GRIN3A: variants seen among roughly 807,000 people sequenced by gnomAD.
GRIN3A encodes the protein glutamate receptor ionotropic, NMDA 3A.
A neutral mutation model predicts 92.4 loss-of-function variants in GRIN3A; 47 were observed. The ratio of observed to expected loss-of-function variants is 0.51; its 90% CI spans 0.40 to 0.65. GRIN3A has a LOEUF of 0.65. Among genes scored for constraint, GRIN3A ranks in the 30% least tolerant of loss-of-function variants. The pLI is 0.00. For synonymous variants in GRIN3A, 527 were observed against 540.6 expected, an observed-to-expected ratio of 0.97 and a Z score of 0.35; for missense variants, 1,324 against 1,393.1, an observed-to-expected ratio of 0.95 and a Z score of 0.79.
At chr9:101,669,639 C>A (rs1391398051) in intron 3 of GRIN3A, among the ~76,000 whole-genome samples, 1 of 152,004 alleles carries the variant, frequency 6.6e-6, no homozygotes, top group African/African-American at 2.4e-5. Flanking sequence ...GAAAAAGATT[C>A]TTTGCTATTT....
rs1827769602 is a variant in GRIN3A at position 101,572,139 on chromosome 9, A to C, written c.*1035T>G. 1 of 152,464 alleles carries C rather than the reference A, an allele frequency of 6.6e-6. No homozygotes were observed. Among genetic ancestry groups the C allele is most frequent in the Non-Finnish European group, 1.5e-5 (1 of 68,120 alleles). 9.4% of individuals were successfully genotyped at this position (152,464 alleles called of 1,614,324 possible). Reference sequence around the variant, plus strand: ...ATGCAAAGTGCAGGGCAGATTCCTGAATGGTCGAAGCTTATAGTGTTCCCG... The same window carrying C: ...ATGCAAAGTGCAGGGCAGATTCCTGCATGGTCGAAGCTTATAGTGTTCCCG... On this transcript the variant is annotated 3_prime_UTR_variant, in exon 9 of 9. Transcript: ENST00000361820.
In GRIN3A at chr9:101,686,816, C is replaced by T. The variant is rs10989591; in HGVS notation, c.1084G>A (p.Val362Met). Residue 362 changes from valine (V) to methionine (M), a missense_variant, in exon 2 of 9, where the codon GTG becomes ATG. Coordinates refer to ENST00000361820, the MANE Select transcript of GRIN3A (RefSeq NM_133445.3). ...AGACCCTCTGTCCTCAGTTCCTCCA[C>T]ATTCTGGGAATCTCCCAGCACCCAA... is the stretch of plus-strand genomic sequence containing the variant. ...LRWVLGDSQN[V>M]EELRTEGLPL... 492,800 of 1,613,836 alleles carry T rather than the reference C, an allele frequency of 0.31. 78,150 individuals are homozygous for T. The highest frequency in any genetic ancestry group is 0.48 in the African/African-American group (36,341 of 74,966).
At chr9:101,619,749 A>T (rs2118863172) in intron 5 of GRIN3A, among the ~76,000 whole-genome samples, 1 of 152,364 alleles carries the variant, frequency 6.6e-6, no homozygotes, top group Admixed American at 6.5e-5. Context: ...CAGAAAGATC[A>T]CACATCATTA....
At position 101,670,532 on chromosome 9, in the gene GRIN3A, A is replaced by G. The variant is rs758373461; in HGVS notation, c.1880T>C (p.Met627Thr). The G allele has an allele frequency of 2.5e-6, 4 of 1,613,672 alleles. No individual in the cohort carries two copies. The highest frequency in any genetic ancestry group is 1.1e-5 in the South Asian group (1 of 91,078). ...ATTGATGCTAAAGGAAGTGACTGCCATGTGGGCAGTCCCTCTCAGGAGATC... is the reference window on the plus strand; with the variant it reads ...ATTGATGCTAAAGGAAGTGACTGCCGTGTGGGCAGTCCCTCTCAGGAGATC... ...VGDLLRGTAH[M>T]AVTSFSINTA... is the part of the protein sequence containing the mutation. Residue 627 changes from methionine (M) to threonine (T), a missense_variant, in exon 3 of 9, where the codon ATG becomes ACG. Transcript: ENST00000361820.
At chr9:101,573,615 G>T in intron 8 of GRIN3A, 102 bp from the exon 9 acceptor site, 1 of 927,670 alleles carries the variant, frequency 1.1e-6, no homozygotes, top group Non-Finnish European at 1.7e-6. Context: ...GGAGCTGGGT[G>T]TGCATTTAGA....
intron 5 of GRIN3A, among the ~76,000 whole-genome samples, chr9:101,614,705 G>C (rs1488038137): frequency 7.7e-6 from 1 of 129,068 alleles, no homozygotes; most frequent in Non-Finnish European, 1.5e-5. Flanking sequence ...CTGCAACCTT[G>C]ACCTCCTGGG....
chr9:101,670,025 A>G (rs771680578), intron 3 of GRIN3A, 35 bp downstream of exon 3: 11 of 1,420,442 alleles, frequency 7.7e-6, no homozygotes, highest in African/African-American at 2.8e-5. Context: ...ATTATAATGG[A>G]CAATCAAGAA....
chr9:101,727,363 T>C (rs1437693067), intron 1 of GRIN3A, among the ~76,000 whole-genome samples: 3 of 152,136 alleles, frequency 2.0e-5, no homozygotes, highest in African/African-American at 4.8e-5. Flanking sequence ...TTATAGGTGA[T>C]TTGGATTCTT....
chr9:101,588,855 T>C (rs1394584052), intron 6 of GRIN3A, among the ~76,000 whole-genome samples: 2 of 152,072 alleles, frequency 1.3e-5, no homozygotes, highest in Non-Finnish European at 2.9e-5. Flanking sequence ...CTATCACCTA[T>C]TGTTTTTGTT....
At chr9:101,664,120 C>T (rs578063069) in intron 3 of GRIN3A, among the ~76,000 whole-genome samples, 5 of 151,900 alleles carry the variant, frequency 3.3e-5, no homozygotes, top group African/African-American at 7.2e-5. Flanking sequence ...CTGTGAGTGC[C>T]CAGATCCACT....
At chr9:101,637,115 C>CA (rs1828794325) in intron 3 of GRIN3A, among the ~76,000 whole-genome samples, 1 of 151,614 alleles carries the variant, frequency 6.6e-6, no homozygotes, top group Admixed American at 6.6e-5. Flanking sequence ...TTTTTTGAGA[C>CA]AGAGTCTCGC....
intron 2 of GRIN3A, among the ~76,000 whole-genome samples, chr9:101,679,477 C>T (rs371710902): frequency 1.3e-5 from 2 of 152,058 alleles, no homozygotes; most frequent in East Asian, 3.9e-4. Flanking sequence ...GACCCCGCCC[C>T]GCAGTGACTT....
At chr9:101,595,038 C>CG in intron 6 of GRIN3A, 1 of 878,420 alleles carries the variant, frequency 1.1e-6, no homozygotes, top group Non-Finnish European at 1.5e-6. Flanking sequence ...AGAGGGCTCC[C>CG]GGGGGCCCTG....
intron 6 of GRIN3A, among the ~76,000 whole-genome samples, chr9:101,584,869 G>A (rs1047114991): frequency 1.3e-5 from 2 of 152,228 alleles, no homozygotes; most frequent in Non-Finnish European, 2.9e-5. Flanking sequence ...GTAGTGACTA[G>A]TTCTCAAGTC....
chr9:101,638,999 TTCG>T (rs1416480897), intron 3 of GRIN3A, among the ~76,000 whole-genome samples: 1 of 152,206 alleles, frequency 6.6e-6, no homozygotes. Context: ...GCCCTCCACA[TTCG>T]TCATCTCATT....
intron 5 of GRIN3A, among the ~76,000 whole-genome samples, chr9:101,617,206 A>T (rs28470384): frequency 6.1e-5 from 2 of 33,054 alleles, no homozygotes; most frequent in African/African-American, 1.7e-4. Context: ...GACTCCGTCT[A>T]AAAAAAAAAA....
chr9:101,589,433 G>A (rs1189800637), intron 6 of GRIN3A, among the ~76,000 whole-genome samples: 1 of 152,144 alleles, frequency 6.6e-6, no homozygotes, highest in Non-Finnish European at 1.5e-5. Context: ...ATACTGCAAT[G>A]CCTAGAAGGC....
intron 6 of GRIN3A, among the ~76,000 whole-genome samples, chr9:101,605,846 GT>G (rs1386109131): frequency 6.6e-6 from 1 of 152,174 alleles, no homozygotes; most frequent in Non-Finnish European, 1.5e-5. Context: ...CTAATGTTTG[GT>G]TTCTTGCTTA....
At position 101,594,889 on chromosome 9, in the gene GRIN3A, C is replaced by T. The variant is rs374058531; in HGVS notation, c.2767-15529G>A. On this transcript the variant is annotated intron_variant, in intron 6 of 8. Coordinates refer to ENST00000361820, the MANE Select transcript of GRIN3A (RefSeq NM_133445.3). ...TTTCATCATTGTCAAAGTGGGAGCA[C>T]ATCTCCGCCGGGTAACTGGCCTCGT... 56 of 1,600,616 alleles carry T rather than the reference C, an allele frequency of 3.5e-5. No individual in the cohort carries two copies. The highest frequency in any genetic ancestry group is 4.6e-5 in the Non-Finnish European group (54 of 1,179,934).
Sources: allele counts gnomAD v4.1 joint callset (sites outside exome capture counted in the v4.1 genomes callset), GRCh38; gene constraint gnomAD v4.1.1; transcripts MANE v1.5; gene names NCBI Gene and HGNC (gene_info 2026-07-23, HGNC 2026-07-21).